The following ARFGEF2 variants were observed in gnomAD, a reference collection of about 807,000 sequenced individuals.
ARFGEF2 encodes the protein brefeldin A-inhibited guanine nucleotide-exchange protein 2.
ARFGEF2 carries 74 observed loss-of-function variants against 219.9 expected under a neutral mutation model. The observed-to-expected ratio is 0.34, with a 90% CI of 0.28 to 0.41. The LOEUF (loss-of-function observed/expected upper bound fraction) is 0.41. Among genes scored for constraint, ARFGEF2 ranks in the 10% least tolerant of loss-of-function variants. The pLI is 1.00. For missense variants in ARFGEF2, 1,743 were observed against 2,218.3 expected (o/e 0.79, Z 4.30); for synonymous variants, 733 against 799.2 (o/e 0.92, Z 1.40).
At chr20:49,022,442 C>CAACA (rs1221068440) in intron 34 of ARFGEF2, among the ~76,000 whole-genome samples, 1 of 118,550 alleles carries the variant, frequency 8.4e-6, no homozygotes, top group Non-Finnish European at 2.0e-5. Context: ...AAAAAAAAAA[C>CAACA]CCACAAGCTT....
At chr20:48,942,800 C>T (rs919395736) in intron 3 of ARFGEF2, among the ~76,000 whole-genome samples, 2 of 152,028 alleles carry the variant, frequency 1.3e-5, no homozygotes, top group African/African-American at 4.8e-5. Context: ...GCTATAAAGT[C>T]ACCTCCCATA....
At chr20:48,963,188 A>AAAAAAAAAAAAAAAAAAAAAAAAAT (rs2091165223) in intron 6 of ARFGEF2, among the ~76,000 whole-genome samples, 1 of 151,824 alleles carries the variant, frequency 6.6e-6, no homozygotes, top group Non-Finnish European at 1.5e-5. Context: ...AAAAAAAAAA[A>AAAAAAAAAAAAAAAAAAAAAAAAAT]AGTAATGTTT....
chr20:48,972,135 GCCCCA>G (rs940863571), intron 10 of ARFGEF2, among the ~76,000 whole-genome samples, 186 bp from the exon 11 acceptor site: 3 of 152,096 alleles, frequency 2.0e-5, no homozygotes, highest in African/African-American at 7.2e-5. Flanking sequence ...TCCCCAGTGG[GCCCCA>G]CCCTGCCAGC....
intron 26 of ARFGEF2, among the ~76,000 whole-genome samples, chr20:49,008,466 G>A (rs1341408926): frequency 6.6e-6 from 1 of 151,930 alleles, no homozygotes; most frequent in Non-Finnish European, 1.5e-5. Flanking sequence ...AGGAGGCTGA[G>A]GTAGGAGAAT....
In ARFGEF2 at chr20:48,974,974, C is replaced by A. The variant is rs564296144; in HGVS notation, c.1774+100C>A. 382 of 1,050,504 alleles carry A rather than the reference C, an allele frequency of 3.6e-4. 2 individuals are homozygous for A. The African/African-American group carries it at 5.6e-3, about 15-fold the overall frequency. 65.1% of individuals were successfully genotyped at this position (1,050,504 alleles called of 1,614,324 possible). On this transcript the variant is annotated intron_variant, in intron 13 of 38. Coordinates refer to ENST00000371917, the MANE Select transcript of ARFGEF2 (RefSeq NM_006420.3). ...TATAGTTGTCTTAGAATTGAAAAAG[C>A]CTTTTTAGTTTGCTAAATACCTATA...
At position 48,961,083 on chromosome 20, in the gene ARFGEF2, T is replaced by TATTATAATAATAATA. The variant is rs1555809248; in HGVS notation, c.839-2745_839-2744insTATAATAATAATAAT. Among the ~76,000 whole-genome samples, 8 of 144,014 alleles carry TATTATAATAATAATA rather than the reference T, an allele frequency of 5.6e-5. No individual in the cohort carries two copies. In the East Asian group the frequency reaches 8.4e-4, roughly 15 times the overall value. 94.5% of individuals were successfully genotyped at this position (144,014 alleles called of 152,430 possible). On this transcript the variant is annotated intron_variant, in intron 6 of 38. Coordinates refer to ENST00000371917, the MANE Select transcript of ARFGEF2 (RefSeq NM_006420.3). Reference sequence around the variant, plus strand: ...AACAGAGCGAGACTCTGTCTCAAAATATAATAATAATAATAATAATAATAA... The same window carrying TATTATAATAATAATA: ...AACAGAGCGAGACTCTGTCTCAAAATATTATAATAATAATAATAATAATAATAATAATAATAATAA...
rs2091531191 is a variant in ARFGEF2, at chr20:49,016,517, A to G, written c.4315+102A>G. The G allele has an allele frequency of 2.3e-6, 3 of 1,319,510 alleles. No individual in the cohort carries two copies. The African/African-American group carries it at 4.4e-5, about 19-fold the overall frequency. The allele number at this position is 1,319,510 out of a possible 1,614,324, so 81.7% of individuals were successfully genotyped here. On this transcript the variant is annotated intron_variant, in intron 31 of 38. Transcript: ENST00000371917. ...CATGGATGTAGTGCCATGGAGTACA[A>G]TATATAATTTAGTTGGTGAAATGTA...
intron 2 of ARFGEF2, among the ~76,000 whole-genome samples, chr20:48,941,559 G>A (rs1330028049): frequency 6.6e-6 from 1 of 152,154 alleles, no homozygotes; most frequent in Non-Finnish European, 1.5e-5. Flanking sequence ...CACCATGAGT[G>A]GTTACTCCTG....
chr20:48,982,589 C>T (rs527642778), intron 14 of ARFGEF2, among the ~76,000 whole-genome samples: 4 of 152,136 alleles, frequency 2.6e-5, no homozygotes, highest in Non-Finnish European at 5.9e-5. Flanking sequence ...TCAGCTATGC[C>T]CTGCCCCCAG....
chr20:48,987,135 T>G (rs2091331046), intron 16 of ARFGEF2, among the ~76,000 whole-genome samples: 1 of 152,246 alleles, frequency 6.6e-6, no homozygotes, highest in Non-Finnish European at 1.5e-5. Context: ...TATCATCATT[T>G]TAACCAAATG....
chr20:49,021,095 T>C (rs1034415772), intron 34 of ARFGEF2, among the ~76,000 whole-genome samples: 7 of 152,160 alleles, frequency 4.6e-5, no homozygotes, highest in Non-Finnish European at 7.3e-5. Flanking sequence ...GGAGAATTGT[T>C]ACGTGTTTTT....
At chr20:48,928,685 G>A (rs571585918) in intron 1 of ARFGEF2, among the ~76,000 whole-genome samples, 4 of 150,372 alleles carry the variant, frequency 2.7e-5, no homozygotes, top group Admixed American at 6.7e-5. Context: ...TAGTAGAGAC[G>A]GGGTTTCACC....
intron 34 of ARFGEF2, among the ~76,000 whole-genome samples, chr20:49,021,130 A>T (rs917449659): frequency 2.0e-5 from 3 of 152,120 alleles, no homozygotes; most frequent in Admixed American, 1.3e-4. Context: ...GGCGAGGTGC[A>T]GTGGCTCACA....
At chr20:48,945,769 C>T (rs747265958) in intron 3 of ARFGEF2, among the ~76,000 whole-genome samples, 46 of 152,110 alleles carry the variant, frequency 3.0e-4, no homozygotes, top group Non-Finnish European at 2.2e-4. Flanking sequence ...AAGGCAGAGG[C>T]AGGAGAATTG....
intron 23 of ARFGEF2, 37 bp from the exon 24 acceptor site, chr20:48,998,156 G>T: frequency 1.2e-6 from 2 of 1,606,270 alleles, no homozygotes; most frequent in Non-Finnish European, 1.7e-6. Context: ...CACCACACCC[G>T]GTCTAATGTT....
At chr20:48,996,707 G>C (rs1199916721) in intron 23 of ARFGEF2, among the ~76,000 whole-genome samples, 1 of 146,100 alleles carries the variant, frequency 6.8e-6, no homozygotes, top group South Asian at 2.1e-4. Context: ...TCGCGCCATT[G>C]CACTCCAGCC....
chr20:48,993,366 G>A (rs967074008), intron 21 of ARFGEF2, among the ~76,000 whole-genome samples: 8 of 152,158 alleles, frequency 5.3e-5, no homozygotes, highest in African/African-American at 1.7e-4. Flanking sequence ...TCTGCAAAAG[G>A]GAGGACATTA....
In ARFGEF2 at chr20:49,017,489, T is replaced by C; in HGVS notation, c.4455-7T>C. Reference sequence around the variant, plus strand: ...TGATTATTTTTTTTCTCTATTTTTTTCTTCAGTTTGCTGACATGGAGACCT... The same window carrying C: ...TGATTATTTTTTTTCTCTATTTTTTCCTTCAGTTTGCTGACATGGAGACCT... On this transcript the variant is annotated splice_region_variant and splice_polypyrimidine_tract_variant and intron_variant, in intron 32 of 38. Coordinates refer to ENST00000371917, the MANE Select transcript of ARFGEF2 (RefSeq NM_006420.3). The C allele has an allele frequency of 6.2e-7, 1 of 1,613,752 alleles. No homozygotes were observed. Among genetic ancestry groups the C allele is most frequent in the Non-Finnish European group, 8.5e-7 (1 of 1,179,828 alleles).
chr20:48,960,609 G>A (rs961929032), intron 6 of ARFGEF2, among the ~76,000 whole-genome samples: 5 of 151,160 alleles, frequency 3.3e-5, no homozygotes, highest in African/African-American at 4.9e-5. Flanking sequence ...TCAGCCTCCC[G>A]AGTAGCTGGG....
Sources: allele counts gnomAD v4.1 joint callset (sites outside exome capture counted in the v4.1 genomes callset), GRCh38; gene constraint gnomAD v4.1.1; transcripts MANE v1.5; gene names NCBI Gene and HGNC (gene_info 2026-07-23, HGNC 2026-07-21).